EPB41L4A: variants seen among roughly 807,000 people sequenced by gnomAD.
EPB41L4A encodes band 4.1-like protein 4A.
A neutral mutation model predicts 108.6 loss-of-function variants in EPB41L4A; 100 were observed. The observed-to-expected ratio is 0.92, with a 90% confidence interval of 0.78 to 1.09. The LOEUF is 1.09. EPB41L4A is among the 50% of genes least tolerant of loss of function. EPB41L4A has a pLI of 0.00. For missense variants in EPB41L4A, 1,030 were observed against 842.7 expected, an observed-to-expected ratio of 1.22 and a Z score of -2.75; for synonymous variants, 319 against 289.0, an observed-to-expected ratio of 1.10 and a Z score of -1.05.
intron 15 of EPB41L4A, among the ~76,000 whole-genome samples, chr5:112,202,738 C>T (rs1471420423): frequency 6.6e-6 from 1 of 151,856 alleles, no homozygotes; most frequent in Non-Finnish European, 1.5e-5. Context: ...AAGCTGGGGG[C>T]AAAGCTCTGG....
chr5:112,402,384 A>G (rs1237097135), intron 1 of EPB41L4A, among the ~76,000 whole-genome samples: 4 of 152,148 alleles, frequency 2.6e-5, no homozygotes, highest in Admixed American at 2.0e-4. Flanking sequence ...AGACTAATAC[A>G]ACTGGTAAAA....
intron 4 of EPB41L4A, among the ~76,000 whole-genome samples, chr5:112,273,208 C>T (rs1752390188): frequency 1.3e-5 from 2 of 152,192 alleles, no homozygotes; most frequent in African/African-American, 4.8e-5. Flanking sequence ...TACCTAAATT[C>T]AACCATATGT....
At chr5:112,346,779 G>C (rs749507380) in intron 1 of EPB41L4A, among the ~76,000 whole-genome samples, 3 of 152,186 alleles carry the variant, frequency 2.0e-5, no homozygotes, top group Non-Finnish European at 2.9e-5. Flanking sequence ...CAGTAAAACA[G>C]AATTTGCATT....
At chr5:112,319,125 A>G (rs1361001531) in intron 1 of EPB41L4A, among the ~76,000 whole-genome samples, 1 of 152,232 alleles carries the variant, frequency 6.6e-6, no homozygotes, top group African/African-American at 2.4e-5. Flanking sequence ...ACAGGAAAGT[A>G]CAAGGCCTGA....
intron 1 of EPB41L4A, among the ~76,000 whole-genome samples, chr5:112,387,562 G>A (rs1760646683): frequency 6.6e-6 from 1 of 152,216 alleles, no homozygotes; most frequent in African/African-American, 2.4e-5. Context: ...CTGGGAGGCG[G>A]AGCTTGCAGT....
chr5:112,277,477 T>C (rs897736261), intron 3 of EPB41L4A, among the ~76,000 whole-genome samples: 1 of 152,248 alleles, frequency 6.6e-6, no homozygotes, highest in Non-Finnish European at 1.5e-5. Flanking sequence ...TAAGGCATTA[T>C]TACCATTTGG....
At position 112,194,631 on chromosome 5, in the gene EPB41L4A, C is replaced by T. The variant is rs1027858763; in HGVS notation, c.1439G>A (p.Cys480Tyr). The T allele has an allele frequency of 6.2e-6, 10 of 1,604,844 alleles. No individual in the cohort carries two copies. Among genetic ancestry groups the T allele is most frequent in the East Asian group, 4.5e-5 (2 of 44,464 alleles). Residue 480 changes from cysteine to tyrosine, a missense_variant, in exon 17 of 23, where the codon TGT (cysteine) becomes TAT (tyrosine). By Grantham distance (194) the Cys-to-Tyr change is radical. Coordinates refer to ENST00000261486, the MANE Select transcript of EPB41L4A (RefSeq NM_022140.5). ...TGATTCACTACCACTGCTGGTGTTA[C>T]AGCGTGAACGTGACCTGAAGACAAA... Reference protein sequence around the residue: ...LKQRRRSRSRCNTSSGSESEN... With the variant: ...LKQRRRSRSRYNTSSGSESEN...
In EPB41L4A at chr5:112,419,175, C is replaced by G. The variant is rs566614340; in HGVS notation, c.-136G>C. ...GAGACGAGCAGCTCCCGGCGGGGTC[C>G]GGGGACCGGCCGCCGAACCGCCCGG... On this transcript the variant is annotated 5_prime_UTR_variant, in exon 1 of 23. Transcript: ENST00000261486. 1.6e-6 allele frequency: 1 copy of G among 606,486 alleles called. No homozygotes were observed. The highest frequency in any genetic ancestry group is 2.0e-5 in the African/African-American group (1 of 51,036). 37.6% of individuals were successfully genotyped at this position (606,486 alleles called of 1,614,324 possible).
At chr5:112,293,695 C>T (rs113648319) in intron 2 of EPB41L4A, among the ~76,000 whole-genome samples, 1,956 of 152,240 alleles carry the variant, frequency 0.013, 9 homozygotes, top group Middle Eastern at 0.02. Context: ...TTCCCGATGC[C>T]GCAGTGAGGA....
chr5:112,334,885 A>C (rs1181161361), intron 1 of EPB41L4A, among the ~76,000 whole-genome samples: 3 of 152,292 alleles, frequency 2.0e-5, no homozygotes, highest in Non-Finnish European at 4.4e-5. Flanking sequence ...AAGAAAATAA[A>C]AACTGATATA....
chr5:112,168,687 T>A (rs1210749394), intron 22 of EPB41L4A, 52 bp downstream of exon 22: 1 of 1,454,784 alleles, frequency 6.9e-7, no homozygotes, highest in African/African-American at 1.4e-5. Flanking sequence ...ACAAAATGCT[T>A]CTCAAAATTG....
chr5:112,242,491 A>T (rs1445159990), intron 9 of EPB41L4A, among the ~76,000 whole-genome samples: 2 of 152,176 alleles, frequency 1.3e-5, no homozygotes, highest in Non-Finnish European at 2.9e-5. Context: ...ATCTGCAGTT[A>T]CTTCCTTCAC....
At chr5:112,339,674 C>T (rs921926007) in intron 1 of EPB41L4A, among the ~76,000 whole-genome samples, 1 of 151,632 alleles carries the variant, frequency 6.6e-6, no homozygotes, top group East Asian at 1.9e-4. Flanking sequence ...CCTGGGATTA[C>T]AGGCACACGT....
At chr5:112,346,319 G>A (rs1057452935) in intron 1 of EPB41L4A, among the ~76,000 whole-genome samples, 5 of 137,858 alleles carry the variant, frequency 3.6e-5, no homozygotes, top group East Asian at 5.1e-4. Flanking sequence ...TCCGCCTCCC[G>A]GGTTCAAGCG....
At chr5:112,374,480 T>C (rs981351444) in intron 1 of EPB41L4A, among the ~76,000 whole-genome samples, 2 of 152,234 alleles carry the variant, frequency 1.3e-5, no homozygotes, top group Non-Finnish European at 2.9e-5. Context: ...TGATTCGCAC[T>C]ATAAAACACT....
chr5:112,248,800 C>T (rs528412927), intron 9 of EPB41L4A, among the ~76,000 whole-genome samples: 33 of 152,218 alleles, frequency 2.2e-4, no homozygotes, highest in South Asian at 2.1e-3. Context: ...CTCACGTTGC[C>T]AGCAGCACAC....
intron 1 of EPB41L4A, among the ~76,000 whole-genome samples, chr5:112,403,777 T>C (rs745420550): frequency 2.0e-5 from 3 of 152,204 alleles, no homozygotes; most frequent in Non-Finnish European, 4.4e-5. Flanking sequence ...CTAAGCTTCA[T>C]TTTTGAAACA....
chr5:112,156,878 G>A (rs1580332364), intron 12 of EPB41L4A, among the ~76,000 whole-genome samples: 1 of 152,088 alleles, frequency 6.6e-6, no homozygotes, highest in African/African-American at 2.4e-5. Context: ...AGGAGAAGGA[G>A]TCCAAGTGAA....
At chr5:112,340,464 T>C (rs1011482087) in intron 1 of EPB41L4A, among the ~76,000 whole-genome samples, 3 of 152,178 alleles carry the variant, frequency 2.0e-5, no homozygotes, top group African/African-American at 7.2e-5. Flanking sequence ...TGACCCCTGC[T>C]TTGGCTTTTA....
Sources: allele counts gnomAD v4.1 joint callset (sites outside exome capture counted in the v4.1 genomes callset), GRCh38; gene constraint gnomAD v4.1.1; transcripts MANE v1.5; gene names NCBI Gene and HGNC (gene_info 2026-07-23, HGNC 2026-07-21).